PCDHGB2: variants seen among roughly 807,000 people sequenced by gnomAD.
PCDHGB2 encodes the protein protocadherin gamma-B2.
Under a neutral mutation model 59.3 loss-of-function variants are expected in PCDHGB2, and 55 were observed. The ratio of observed to expected loss-of-function variants is 0.93; its 90% CI spans 0.75 to 1.16. PCDHGB2 has a LOEUF of 1.16. PCDHGB2 is among the 50% of genes most tolerant of loss of function. PCDHGB2 has a pLI of 0.00. For synonymous variants in PCDHGB2, 516 were observed against 512.0 expected (o/e 1.01, Z -0.11); for missense variants, 1,228 against 1,198.5 (o/e 1.02, Z -0.36).
At position 141,384,946 on chromosome 5, in the gene PCDHGB2, G is replaced by A. The variant is rs749521895; in HGVS notation, c.2421+22390G>A. The A allele has an allele frequency of 1.2e-5, 19 of 1,613,924 alleles. No individual in the cohort carries two copies. Among genetic ancestry groups the A allele is most frequent in the Non-Finnish European group, 1.4e-5 (17 of 1,180,030 alleles). On this transcript the variant is annotated intron_variant, in intron 1 of 3. Transcript: ENST00000522605. ...CCTGGGCAGCCTTGAGCCCTCCGACGGTCCTTACAACTATGACCTCACGTT... is the reference window on the plus strand; with the variant it reads ...CCTGGGCAGCCTTGAGCCCTCCGACAGTCCTTACAACTATGACCTCACGTT...
intron 1 of PCDHGB2, among the ~76,000 whole-genome samples, chr5:141,425,318 G>A (rs1304835508): frequency 1.3e-5 from 2 of 152,158 alleles, no homozygotes; most frequent in Non-Finnish European, 2.9e-5. Context: ...TCCCAAGATC[G>A]TGGAGAACAA....
chr5:141,466,766 T>G (rs1309395984), intron 1 of PCDHGB2, among the ~76,000 whole-genome samples: 2 of 152,194 alleles, frequency 1.3e-5, no homozygotes, highest in Non-Finnish European at 2.9e-5. Context: ...TTTCAAACTG[T>G]TATCTTATTC....
At chr5:141,393,142 T>C in intron 1 of PCDHGB2, 1 of 1,613,286 alleles carries the variant, frequency 6.2e-7, no homozygotes, top group Non-Finnish European at 8.5e-7. Flanking sequence ...AACACCCTGG[T>C]TGAGGATAAA....
chr5:141,501,715 C>G lies in PCDHGB2; in HGVS notation c.2481-3678C>G, dbSNP rs139761188. On this transcript the variant is annotated intron_variant, in intron 2 of 3. Coordinates refer to ENST00000522605, the MANE Select transcript of PCDHGB2 (RefSeq NM_018923.3). ...AGGGTGATTCCGAGGATAAAAAAGA[C>G]AAATATATTACCCAGTCAGCTTAGA... 1.3e-3 allele frequency among the ~76,000 whole-genome samples: 192 copies of G among 152,192 alleles called. 1 individual carries two copies. The highest frequency in any genetic ancestry group is 4.5e-3 in the African/African-American group (185 of 41,512).
intron 1 of PCDHGB2, chr5:141,375,050 G>A: frequency 6.2e-7 from 1 of 1,614,046 alleles, no homozygotes; most frequent in Non-Finnish European, 8.5e-7. Flanking sequence ...TGAAGCCCGG[G>A]ATGGGCCAGG....
rs2096301395 is a variant in PCDHGB2, at chr5:141,418,913, C to A, written c.2421+56357C>A. On this transcript the variant is annotated intron_variant, in intron 1 of 3. Coordinates refer to ENST00000522605, the MANE Select transcript of PCDHGB2 (RefSeq NM_018923.3). ...CAGCCCAGAAATAATCATCACGTCA[C>A]TCTCTGATCAGATTATGGAGGATTC... The A allele has an allele frequency of 2.5e-6, 4 of 1,613,946 alleles. No homozygotes were observed. The highest frequency in any genetic ancestry group is 3.4e-6 in the Non-Finnish European group (4 of 1,179,822).
At chr5:141,391,886 A>C (rs2092436812) in intron 1 of PCDHGB2, 1 of 152,206 alleles carries the variant, frequency 6.6e-6, no homozygotes, top group Non-Finnish European at 1.5e-5. Flanking sequence ...GGTGAAAGGG[A>C]TGGGATGGAG....
chr5:141,422,655 C>T (rs188587553), intron 1 of PCDHGB2: 2 of 1,610,120 alleles, frequency 1.2e-6, no homozygotes, highest in Admixed American at 3.3e-5. Flanking sequence ...TCTCAGTGAC[C>T]GCCCTCGACC....
intron 1 of PCDHGB2, among the ~76,000 whole-genome samples, chr5:141,368,720 T>C (rs1443376319): frequency 6.6e-6 from 1 of 152,220 alleles, no homozygotes; most frequent in African/African-American, 2.4e-5. Flanking sequence ...ATTTTGAATG[T>C]ATGTACTGTA....
At chr5:141,394,681 C>G in intron 1 of PCDHGB2, 2 of 1,612,998 alleles carry the variant, frequency 1.2e-6, no homozygotes, top group Non-Finnish European at 1.7e-6. Context: ...GGTCTGCACA[C>G]GGGCGAGGTG....
intron 1 of PCDHGB2, chr5:141,372,545 C>T (rs778761799): frequency 6.2e-7 from 1 of 1,614,032 alleles, no homozygotes; most frequent in South Asian, 1.1e-5. Flanking sequence ...GCCTGCGATG[C>T]TCCTCCAGAC....
chr5:141,491,901 G>C lies in PCDHGB2; in HGVS notation c.2422-2906G>C, dbSNP rs1196717010. 1 of 1,429,696 alleles carries C rather than the reference G, an allele frequency of 7.0e-7. No homozygotes were observed. The highest frequency in any genetic ancestry group is 9.3e-7 in the Non-Finnish European group (1 of 1,080,148). 88.6% of individuals were successfully genotyped at this position (1,429,696 alleles called of 1,614,324 possible). ...AAGGGATGGGGCTCCGAGCACCGGG[G>C]GTGGTGGCGACTGTGGGCGAGGGGA... On this transcript the variant is annotated intron_variant, in intron 1 of 3. Transcript: ENST00000522605. The surrounding 1 kb of genome is among the most constrained non-coding windows in gnomAD (Gnocchi z 6.9).
Position 141,490,019 on chromosome 5 carries a change from T to C in PCDHGB2, c.2422-4788T>C. 2 of 1,614,272 alleles carry C rather than the reference T, an allele frequency of 1.2e-6. No homozygotes were observed. Among genetic ancestry groups the C allele is most frequent in the East Asian group, 2.2e-5 (1 of 44,886 alleles). ...CCAGAGAATGCACCCATTGGTACTCTGCTGCTCCGCCTCAATGCCACTGAT... is the reference window on the plus strand; with the variant it reads ...CCAGAGAATGCACCCATTGGTACTCCGCTGCTCCGCCTCAATGCCACTGAT... On this transcript the variant is annotated intron_variant, in intron 1 of 3. Coordinates refer to ENST00000522605, the MANE Select transcript of PCDHGB2 (RefSeq NM_018923.3). This position sits in a 1 kb window ranked among gnomAD's most constrained non-coding sequence, Gnocchi z 5.4.
rs200349213 is a variant in PCDHGB2 at position 141,425,728 on chromosome 5, GGAT to G, written c.2421+63174_2421+63176del. Among the ~76,000 whole-genome samples the G allele has an allele frequency of 9.8e-4, 149 of 152,196 alleles. 2 individuals carry two copies. In the East Asian group the frequency reaches 0.027, roughly 28 times the overall value. ...AAAATTTTCCCATACCACTTGATGG[GGAT>G]GTTTTCCCACAAGGTTTTTGTTCTA... On this transcript the variant is annotated intron_variant, in intron 1 of 3. Transcript: ENST00000522605.
chr5:141,504,180 A>G (rs1195970606), intron 2 of PCDHGB2, among the ~76,000 whole-genome samples: 1 of 152,236 alleles, frequency 6.6e-6, no homozygotes, highest in Non-Finnish European at 1.5e-5. Context: ...ATTCAAAAAA[A>G]TCATGAAAAT....
At chr5:141,459,874 A>G (rs922438277) in intron 1 of PCDHGB2, among the ~76,000 whole-genome samples, 10 of 152,156 alleles carry the variant, frequency 6.6e-5, no homozygotes, top group African/African-American at 2.4e-4. Flanking sequence ...TTCATCTTTA[A>G]CTGAGCTGAA....
chr5:141,399,081 G>A (rs1336220348), intron 1 of PCDHGB2: 2 of 1,613,758 alleles, frequency 1.2e-6, no homozygotes, highest in African/African-American at 1.3e-5. Context: ...TAGAAGGGAG[G>A]GATGGTGGTG....
At chr5:141,404,488 T>C (rs3749770) in intron 1 of PCDHGB2, 387,354 of 1,612,960 alleles carry the variant, frequency 0.24, 50,449 homozygotes, top group African/African-American at 0.51. Flanking sequence ...CAGACACTGG[T>C]GTGCTGTATG....
chr5:141,410,167 T>A (rs372848702), intron 1 of PCDHGB2: 1 of 1,613,770 alleles, frequency 6.2e-7, no homozygotes, highest in South Asian at 1.1e-5. Flanking sequence ...CGCCACTCTC[T>A]GCCACCGCCA....
Sources: allele counts gnomAD v4.1 joint callset (sites outside exome capture counted in the v4.1 genomes callset), GRCh38; gene constraint gnomAD v4.1.1; non-coding constraint Gnocchi (gnomAD v3.1); transcripts MANE v1.5; gene names NCBI Gene and HGNC (gene_info 2026-07-23, HGNC 2026-07-21).